The following NFRKB variants were observed in gnomAD, a reference collection of about 807,000 sequenced individuals.
The protein encoded by NFRKB is nuclear factor related to kappa-B-binding protein.
In NFRKB, 62 loss-of-function variants were observed where a neutral mutation model predicts 135.7. The ratio of observed to expected loss-of-function variants is 0.46; its 90% CI spans 0.37 to 0.56. The LOEUF is 0.56. Among genes scored for constraint, NFRKB ranks in the 20% least tolerant of loss-of-function variants. The probability of loss-of-function intolerance (pLI) is 0.00; values close to 1 mark genes in which losing one functional copy is unlikely to be tolerated. For missense variants in NFRKB, 1,545 were observed against 1,662.0 expected, an observed-to-expected ratio of 0.93 and a Z score of 1.22; for synonymous variants, 678 against 635.6, an observed-to-expected ratio of 1.07 and a Z score of -1.00.
intron 23 of NFRKB, among the ~76,000 whole-genome samples, chr11:129,872,018 T>C (rs1948533343): frequency 6.6e-6 from 1 of 152,222 alleles, no homozygotes; most frequent in African/African-American, 2.4e-5. Flanking sequence ...TTGCCATTCC[T>C]GGGCCTCGAA....
At chr11:129,893,921 T>C (rs1171767921) in intron 2 of NFRKB, 1 of 152,264 alleles carries the variant, frequency 6.6e-6, no homozygotes, top group Non-Finnish European at 1.5e-5. Flanking sequence ...ACCTTACTGA[T>C]ATGACTTTAT....
At position 129,886,438 on chromosome 11, in the gene NFRKB, T is replaced by C. The variant is rs896836409; in HGVS notation, c.344A>G (p.His115Arg). 4.3e-6 allele frequency: 7 copies of C among 1,613,600 alleles called. No homozygotes were observed. The highest frequency in any genetic ancestry group is 5.9e-6 in the Non-Finnish European group (7 of 1,179,908). ...HIAQKLFRDG[H>R]FNPEVVKYRQ... The stretch of plus-strand genomic sequence containing the variant: ...GTACTTGACCACCTCGGGGTTAAAG[T>C]GTCCGTCTTAAAAAAATAAAGGTAT... The change falls in exon 5 of 27, where the codon CAC becomes CGC. Residue 115 changes from histidine to arginine, a missense_variant. Around this residue, in one of 3 missense-constraint regions of NFRKB, gnomAD observed 678 missense variants for 646.7 expected, o/e 1.05. Transcript: ENST00000682444.
rs1299273487 is a variant in NFRKB at position 129,869,716 on chromosome 11, C to A, written c.3309G>T (p.Gln1103His). The A allele has an allele frequency of 6.2e-7, 1 of 1,614,136 alleles. No individual in the cohort carries two copies. Among genetic ancestry groups the A allele is most frequent in the Non-Finnish European group, 8.5e-7 (1 of 1,180,050 alleles). ...TGGCGTGGGTTGCAACGGTGATGGT[C>A]TGGCCTGCTTTGGGAGGCATCACTC... is the stretch of plus-strand genomic sequence containing the variant. Reference protein sequence around the residue: ...GLGVMPPKAGQTITVATHAKQ... With the variant: ...GLGVMPPKAGHTITVATHAKQ... The change falls in exon 24 of 27, where the codon CAG (glutamine) becomes CAT (histidine). Residue 1103 changes from glutamine to histidine, a missense_variant. Gln to His is a conservative substitution (Grantham distance 24). Transcript: ENST00000682444.
intron 23 of NFRKB, among the ~76,000 whole-genome samples, chr11:129,871,212 T>C (rs1046232772): frequency 2.0e-5 from 3 of 152,224 alleles, no homozygotes; most frequent in African/African-American, 4.8e-5. Flanking sequence ...GGTTTTTTAA[T>C]CTGTATTATT....
chr11:129,876,661 G>T (rs369861330), intron 17 of NFRKB, 60 bp downstream of exon 17: 8 of 1,343,114 alleles, frequency 6.0e-6, no homozygotes, highest in Non-Finnish European at 8.2e-6. Context: ...TTCAGAGTTG[G>T]TAAGAGAAAA....
At chr11:129,881,969 A>C (rs1591513866) in intron 11 of NFRKB, 116 bp from the exon 12 acceptor site, 1 of 1,483,354 alleles carries the variant, frequency 6.7e-7, no homozygotes, top group African/African-American at 1.4e-5. Context: ...ATCACAAAGC[A>C]AGTTAACTAC....
At position 129,874,283 on chromosome 11, in the gene NFRKB, A is replaced by C; in HGVS notation, c.2109T>G (p.Ser703=). The C allele has an allele frequency of 6.6e-7, 1 of 1,516,580 alleles. No individual in the cohort carries two copies. The highest frequency in any genetic ancestry group is 8.8e-7 in the Non-Finnish European group (1 of 1,134,566). 93.9% of individuals were successfully genotyped at this position (1,516,580 alleles called of 1,614,324 possible). A position where few individuals can be genotyped will look rare whatever the true frequency, so the allele number is the denominator to read the frequency against. Reference sequence around the variant, plus strand: ...CACTGAGGCTCATCTGGCTCTGCTCAGAAGGGCCACTGCTAAGGACCTTTA... The same window carrying C: ...CACTGAGGCTCATCTGGCTCTGCTCCGAAGGGCCACTGCTAAGGACCTTTA... ...SSIKVLSSGP[S]EQSQMSLSDS... The change falls in exon 21 of 27, where the codon TCT becomes TCG. Residue 703 remains serine, a synonymous_variant. Transcript: ENST00000682444. This position sits in a 1 kb window ranked among gnomAD's most constrained non-coding sequence, Gnocchi z 4.5.
At position 129,870,073 on chromosome 11, in the gene NFRKB, C is replaced by T; in HGVS notation, c.2952G>A (p.Gln984=). Reference sequence around the variant, plus strand: ...CCTGGGTCAATTTGACTGTGGTAACCTGGGACTTGGCCAATGTGGCCATCA... The same window carrying T: ...CCTGGGTCAATTTGACTGTGGTAACTTGGGACTTGGCCAATGTGGCCATCA... ...PDMMATLAKS[Q]VTTVKLTQDL... is the part of the protein sequence containing the mutation. Residue 984 remains glutamine, a synonymous_variant, in exon 24 of 27, where the codon CAG becomes CAA. Transcript: ENST00000682444. 6.2e-7 allele frequency: 1 copy of T among 1,614,272 alleles called. No individual in the cohort carries two copies. The highest frequency in any genetic ancestry group is 8.5e-7 in the Non-Finnish European group (1 of 1,180,054).
chr11:129,881,329 G>T, intron 13 of NFRKB, 114 bp downstream of exon 13: 1 of 1,022,208 alleles, frequency 9.8e-7, no homozygotes, highest in Non-Finnish European at 1.5e-6. Flanking sequence ...AATAAGGTCT[G>T]ATATTGCTTT....
In NFRKB at chr11:129,874,070, A is replaced by C; in HGVS notation, c.2279+43T>G. On this transcript the variant is annotated intron_variant, in intron 21 of 26. Coordinates refer to ENST00000682444, the MANE Select transcript of NFRKB (RefSeq NM_001143835.2). The surrounding 1 kb of genome is among the most constrained non-coding windows in gnomAD (Gnocchi z 4.5). Reference sequence around the variant, plus strand: ...ACAAAAACTTAGGACATGCATACAAAAGAACTCTAGAACGAAAAAGCTGAA... The same window carrying C: ...ACAAAAACTTAGGACATGCATACAACAGAACTCTAGAACGAAAAAGCTGAA... 6.3e-7 allele frequency: 1 copy of C among 1,591,022 alleles called. No individual in the cohort carries two copies. Among genetic ancestry groups the C allele is most frequent in the Non-Finnish European group, 8.6e-7 (1 of 1,165,828 alleles).
At chr11:129,869,335 TA>T (rs755037931) in intron 24 of NFRKB, among the ~76,000 whole-genome samples, 158 bp downstream of exon 24, 3 of 152,166 alleles carry the variant, frequency 2.0e-5, no homozygotes, top group Non-Finnish European at 2.9e-5. Context: ...TATCAGTAAA[TA>T]AATCTATTTG....
At chr11:129,872,718 T>C in intron 23 of NFRKB, 166 bp downstream of exon 23, 1 of 623,198 alleles carries the variant, frequency 1.6e-6, no homozygotes, top group South Asian at 2.1e-5. Flanking sequence ...AAAGCTGCAC[T>C]GCCTTTGCCT....
At chr11:129,879,602 C>T (rs746693094) in intron 13 of NFRKB, among the ~76,000 whole-genome samples, 2 of 152,176 alleles carry the variant, frequency 1.3e-5, no homozygotes, top group Admixed American at 6.5e-5. Flanking sequence ...TCAGGCGATC[C>T]GGTCTCCTGG....
At position 129,884,694 on chromosome 11, in the gene NFRKB, G is replaced by A. The variant is rs747378457; in HGVS notation, c.742+51C>T. ...CCACCTCCCTCTAAAGGAGTTTTCAGGTCTCCACCGCAATGTCCCAGAATG... is the reference window on the plus strand; with the variant it reads ...CCACCTCCCTCTAAAGGAGTTTTCAAGTCTCCACCGCAATGTCCCAGAATG... On this transcript the variant is annotated intron_variant, in intron 7 of 26. Transcript: ENST00000682444. The A allele has an allele frequency of 2.5e-6, 4 of 1,603,016 alleles. No individual in the cohort carries two copies. The Admixed American group carries it at 6.7e-5, about 27-fold the overall frequency.
chr11:129,875,296 C>T, intron 18 of NFRKB, 61 bp downstream of exon 18: 4 of 1,329,508 alleles, frequency 3.0e-6, no homozygotes, highest in Non-Finnish European at 4.2e-6. Flanking sequence ...TTTGTATTTC[C>T]TGATAAGTTT....
intron 4 of NFRKB, among the ~76,000 whole-genome samples, chr11:129,886,773 A>T (rs1020416384): frequency 2.0e-5 from 3 of 152,150 alleles, no homozygotes; most frequent in Admixed American, 6.5e-5. Flanking sequence ...AGACGACCAT[A>T]CTGTTTCGGG....
chr11:129,886,243 C>CACAAA (rs1949271626), intron 5 of NFRKB, 74 bp downstream of exon 5: 1 of 1,530,594 alleles, frequency 6.5e-7, no homozygotes, highest in South Asian at 1.2e-5. Context: ...TTGTGTTTTG[C>CACAAA]ACCTGAATTG....
At position 129,879,482 on chromosome 11, in the gene NFRKB, G is replaced by A. The variant is rs144202628; in HGVS notation, c.1385-939C>T. Among the ~76,000 whole-genome samples the A allele has an allele frequency of 2.8e-3, 429 of 152,220 alleles. 1 individual carries two copies. The highest frequency in any genetic ancestry group is 9.7e-3 in the African/African-American group (403 of 41,536). ...GCTTCGCCTCCACCGTTCCACTAGAGAATCACGCTCACTGAAAAATTCACA... is the reference window on the plus strand; with the variant it reads ...GCTTCGCCTCCACCGTTCCACTAGAAAATCACGCTCACTGAAAAATTCACA... On this transcript the variant is annotated intron_variant, in intron 13 of 26. Transcript: ENST00000682444.
chr11:129,876,572 T>A, intron 17 of NFRKB, 149 bp downstream of exon 17: 1 of 766,070 alleles, frequency 1.3e-6, no homozygotes, highest in Non-Finnish European at 2.0e-6. Context: ...CCCCTTCAGC[T>A]CCCAAACTGC....
Sources: gnomAD v4.1 joint callset for allele counts (sites outside exome capture counted in the v4.1 genomes callset) on GRCh38, gnomAD v4.1.1 for gene constraint, gnomAD v4.1.1 regional missense constraint, Gnocchi (gnomAD v3.1) non-coding constraint, MANE v1.5 for transcripts, NCBI Gene and HGNC (gene_info 2026-07-23, HGNC 2026-07-21) for gene names.